The following GRIN2A variants were observed in gnomAD, a reference collection of about 807,000 sequenced individuals.
GRIN2A encodes the protein glutamate ionotropic receptor NMDA type subunit 2A.
A neutral mutation model predicts 113.4 loss-of-function variants in GRIN2A; 22 were observed. The ratio of observed to expected loss-of-function variants is 0.19; its 90% CI spans 0.14 to 0.28. The LOEUF (loss-of-function observed/expected upper bound fraction) is 0.28, where lower values mean the gene tolerates loss of function less well. Among genes scored for constraint, GRIN2A ranks in the 10% least tolerant of loss-of-function variants. The pLI is 1.00. For synonymous variants in GRIN2A, 827 were observed against 738.4 expected (o/e 1.12, Z -1.94); for missense variants, 1,502 against 1,887.0 (o/e 0.80, Z 3.78).
chr16:9,979,283 A>T (rs1389325375), intron 2 of GRIN2A, among the ~76,000 whole-genome samples: 2 of 152,144 alleles, frequency 1.3e-5, no homozygotes, highest in African/African-American at 2.4e-5. Flanking sequence ...ACAGTGCCAC[A>T]TGGTTATTCT....
intron 10 of GRIN2A, among the ~76,000 whole-genome samples, chr16:9,812,994 C>T (rs1042473872): frequency 2.6e-5 from 4 of 152,192 alleles, no homozygotes; most frequent in East Asian, 1.9e-4. Context: ...AAGATCAAAG[C>T]GTGCCTCAAA....
intron 11 of GRIN2A, among the ~76,000 whole-genome samples, chr16:9,780,340 T>G (rs1184884142): frequency 6.6e-6 from 1 of 152,262 alleles, no homozygotes; most frequent in African/African-American, 2.4e-5. Flanking sequence ...AAAAGTGATG[T>G]AAATGCCCAT....
intron 10 of GRIN2A, among the ~76,000 whole-genome samples, chr16:9,813,616 T>C (rs1384132155): frequency 6.6e-6 from 1 of 151,288 alleles, no homozygotes; most frequent in Non-Finnish European, 1.5e-5. Context: ...TTAAAAAAAG[T>C]TTTTATAGGT....
rs142276753 is a variant in GRIN2A at position 10,076,796 on chromosome 16, C to T, written c.414+103202G>A. Among the ~76,000 whole-genome samples, 271 of 152,324 alleles carry T rather than the reference C, an allele frequency of 1.8e-3. 1 individual carries two copies. The highest frequency in any genetic ancestry group is 6.1e-3 in the African/African-American group (255 of 41,572). The stretch of plus-strand genomic sequence containing the variant: ...CTTCTGAAAAGCCAGACTCAAACAT[C>T]AAAGTCTCTCCTTGCATCTCCACCA... On this transcript the variant is annotated intron_variant, in intron 2 of 12. Transcript: ENST00000330684.
intron 2 of GRIN2A, among the ~76,000 whole-genome samples, chr16:10,104,655 T>C (rs1030988365): frequency 6.6e-6 from 1 of 152,154 alleles, no homozygotes; most frequent in African/African-American, 2.4e-5. Context: ...GGTGCGCACA[T>C]GACAGAGACA....
At chr16:10,140,822 A>G (rs1335110663) in intron 2 of GRIN2A, among the ~76,000 whole-genome samples, 1 of 152,176 alleles carries the variant, frequency 6.6e-6, no homozygotes, top group East Asian at 1.9e-4. Context: ...CACTTAACTG[A>G]CAGAATAAAG....
intron 2 of GRIN2A, among the ~76,000 whole-genome samples, chr16:9,999,218 T>C (rs1005747325): frequency 5.9e-5 from 9 of 152,200 alleles, no homozygotes; most frequent in African/African-American, 1.4e-4. Flanking sequence ...ATCCAAGTTC[T>C]GGTATCAGAC....
At chr16:10,051,038 C>G (rs1437535324) in intron 2 of GRIN2A, among the ~76,000 whole-genome samples, 1 of 152,138 alleles carries the variant, frequency 6.6e-6, no homozygotes, top group Non-Finnish European at 1.5e-5. Flanking sequence ...GAGCATGTCC[C>G]AGGCCCCCCA....
chr16:10,061,460 G>C (rs1228838538), intron 2 of GRIN2A, among the ~76,000 whole-genome samples: 1 of 152,156 alleles, frequency 6.6e-6, no homozygotes, highest in Non-Finnish European at 1.5e-5. Flanking sequence ...AGAGATTCCT[G>C]AGATTCCTTT....
rs1901046342 is a variant in GRIN2A at position 9,768,326 on chromosome 16, A to G, written c.2595+525T>C. Among the ~76,000 whole-genome samples, 4 of 152,238 alleles carry G rather than the reference A, an allele frequency of 2.6e-5. No individual in the cohort carries two copies. The South Asian group carries it at 8.3e-4, about 32-fold the overall frequency. On this transcript the variant is annotated intron_variant, in intron 12 of 12. Coordinates refer to ENST00000330684, the MANE Select transcript of GRIN2A (RefSeq NM_001134407.3). ...CTGGGCCTCCCAAAGTGCTGGGATT[A>G]TAGGCATGAGCCACCGTGCCCGGCC...
chr16:10,075,180 C>A (rs1032635159), intron 2 of GRIN2A, among the ~76,000 whole-genome samples: 1 of 152,032 alleles, frequency 6.6e-6, no homozygotes, highest in Non-Finnish European at 1.5e-5. Context: ...GTATCCAGTA[C>A]CTGGCGCGTA....
At chr16:10,098,188 A>G (rs1007613304) in intron 2 of GRIN2A, among the ~76,000 whole-genome samples, 1 of 152,258 alleles carries the variant, frequency 6.6e-6, no homozygotes, top group African/African-American at 2.4e-5. Context: ...ACAAATGGCC[A>G]ACAAACATAT....
At position 10,130,569 on chromosome 16, in the gene GRIN2A, C is replaced by A. The variant is rs888721372; in HGVS notation, c.414+49429G>T. Among the ~76,000 whole-genome samples, 15 of 152,294 alleles carry A rather than the reference C, an allele frequency of 9.8e-5. 1 individual carries two copies. The highest frequency in any genetic ancestry group is 8.5e-4 in the Admixed American group (13 of 15,290). On this transcript the variant is annotated intron_variant, in intron 2 of 12. Coordinates refer to ENST00000330684, the MANE Select transcript of GRIN2A (RefSeq NM_001134407.3). The stretch of plus-strand genomic sequence containing the variant: ...ACTTTCTCCCCACTGTCAAAAGGAA[C>A]AGGACATTATATAAACCTTCTGAAA...
intron 2 of GRIN2A, among the ~76,000 whole-genome samples, chr16:9,997,720 C>G (rs1055093481): frequency 6.6e-6 from 1 of 152,148 alleles, no homozygotes; most frequent in Non-Finnish European, 1.5e-5. Flanking sequence ...ATGGGAGGGA[C>G]CCAGTGGGAG....
intron 2 of GRIN2A, among the ~76,000 whole-genome samples, chr16:10,090,794 A>G (rs1475418283): frequency 6.6e-6 from 1 of 152,224 alleles, no homozygotes; most frequent in Non-Finnish European, 1.5e-5. Context: ...TACATATGAT[A>G]AAGAACTGTA....
At chr16:9,867,929 C>T (rs2043189229) in intron 4 of GRIN2A, among the ~76,000 whole-genome samples, 1 of 152,100 alleles carries the variant, frequency 6.6e-6, no homozygotes, top group Non-Finnish European at 1.5e-5. Context: ...TCCGAGAAAC[C>T]TCAAACTCAG....
chr16:10,040,099 T>TAC (rs2047130662), intron 2 of GRIN2A, among the ~76,000 whole-genome samples: 1 of 5,342 alleles, frequency 1.9e-4, no homozygotes, highest in Non-Finnish European at 4.2e-4. Context: ...ACAAATACAC[T>TAC]ACACACATCC....
intron 2 of GRIN2A, among the ~76,000 whole-genome samples, chr16:9,981,033 GA>G (rs368029173): frequency 0.11 from 15,980 of 145,678 alleles, 1,029 homozygotes; most frequent in African/African-American, 0.16. Context: ...ATTATATTAG[GA>G]AAAAAAAAAG....
intron 2 of GRIN2A, among the ~76,000 whole-genome samples, chr16:9,963,439 C>T (rs9923543): frequency 2.0e-5 from 3 of 152,002 alleles, no homozygotes; most frequent in Admixed American, 1.3e-4. Flanking sequence ...TCTTGCCCCC[C>T]ACCCCTGACA....
Sources: allele counts gnomAD v4.1 joint callset (sites outside exome capture counted in the v4.1 genomes callset), GRCh38; gene constraint gnomAD v4.1.1; transcripts MANE v1.5; gene names NCBI Gene and HGNC (gene_info 2026-07-23, HGNC 2026-07-21).